The following NEK1 variants were observed in gnomAD, a reference collection of about 807,000 sequenced individuals.
The protein encoded by NEK1 is serine/threonine-protein kinase Nek1.
Under a neutral mutation model 182.1 loss-of-function variants are expected in NEK1, and 137 were observed. The ratio of observed to expected loss-of-function variants is 0.75; its 90% CI spans 0.65 to 0.87. NEK1 has a LOEUF of 0.87. NEK1 is among the 40% of genes least tolerant of loss of function. NEK1 has a pLI of 0.00. For synonymous variants in NEK1, 513 were observed against 492.2 expected, an observed-to-expected ratio of 1.04 and a Z score of -0.56; for missense variants, 1,391 against 1,494.4, an observed-to-expected ratio of 0.93 and a Z score of 1.14.
At chr4:169,593,236 G>A (rs1407495167) in intron 5 of NEK1, among the ~76,000 whole-genome samples, 1 of 151,966 alleles carries the variant, frequency 6.6e-6, no homozygotes, top group Admixed American at 6.5e-5. Flanking sequence ...TTTAGGTTTT[G>A]CAGGCCAGAT....
intron 31 of NEK1, among the ~76,000 whole-genome samples, chr4:169,409,155 C>CTTTTTTTTTTT (rs1365338777): frequency 6.6e-6 from 1 of 151,422 alleles, no homozygotes; most frequent in African/African-American, 2.4e-5. Context: ...TATTGTTTTT[C>CTTTTTTTTTTT]TTTTTTTTGA....
At chr4:169,503,257 G>A (rs1752696676) in intron 23 of NEK1, among the ~76,000 whole-genome samples, 1 of 152,022 alleles carries the variant, frequency 6.6e-6, no homozygotes, top group African/African-American at 2.4e-5. Flanking sequence ...TGCATTTAAT[G>A]CCCATGGAAG....
chr4:169,597,841 G>A (rs369443339), intron 5 of NEK1, among the ~76,000 whole-genome samples: 2 of 152,238 alleles, frequency 1.3e-5, no homozygotes, highest in South Asian at 2.1e-4. Flanking sequence ...GGCTGAGGCA[G>A]GAGAATGGCG....
In NEK1 at chr4:169,508,840, T is replaced by C. The variant is rs767406018; in HGVS notation, c.1678A>G (p.Asn560Asp). 6.9e-6 allele frequency: 11 copies of C among 1,590,576 alleles called. No individual in the cohort carries two copies. In the South Asian group the frequency reaches 1.2e-4, roughly 18 times the overall value. ...RAEGHMGILQNLAAMYGGRPS... is the reference protein window; with the variant it reads ...RAEGHMGILQDLAAMYGGRPS... ...CTGCCTCCATACATAGCTGCCAGGT[T>C]TTGCAGGATTCCCTGTTTATCATTT... The change falls in exon 20 of 36, where the codon AAC becomes GAC. Residue 560 changes from asparagine (N) to aspartate (D), a missense_variant. Physicochemically the swap from Asn to Asp is conservative, Grantham distance 23. Coordinates refer to ENST00000507142, the MANE Select transcript of NEK1 (RefSeq NM_001199397.3).
chr4:169,469,946 CT>C (rs61539003), intron 26 of NEK1, among the ~76,000 whole-genome samples: 58,211 of 118,752 alleles, frequency 0.49, 11,068 homozygotes, highest in East Asian at 0.77. Context: ...GCAACCCCTG[CT>C]TTTTTTTTTT....
intron 19 of NEK1, among the ~76,000 whole-genome samples, chr4:169,509,931 C>T (rs1322382506): frequency 2.0e-5 from 3 of 152,014 alleles, no homozygotes; most frequent in Admixed American, 6.6e-5. Flanking sequence ...ATATTATATC[C>T]TGAATCTCTT....
chr4:169,400,430 T>C (rs1731460509), intron 34 of NEK1, 73 bp from the exon 35 acceptor site: 5 of 1,443,480 alleles, frequency 3.5e-6, no homozygotes, highest in Non-Finnish European at 4.6e-6. Context: ...TTTTTATTTA[T>C]AATAAATCTA....
intron 27 of NEK1, among the ~76,000 whole-genome samples, chr4:169,459,999 G>A (rs770199594): frequency 2.6e-5 from 4 of 152,150 alleles, no homozygotes; most frequent in Non-Finnish European, 4.4e-5. Context: ...AGCACCAAGA[G>A]TAAATTTTAA....
At chr4:169,434,206 T>G (rs1737965795) in intron 28 of NEK1, among the ~76,000 whole-genome samples, 1 of 127,508 alleles carries the variant, frequency 7.8e-6, no homozygotes, top group African/African-American at 4.3e-5. Flanking sequence ...CAAATAGTTT[T>G]TTTTTTTTTT....
intron 24 of NEK1, among the ~76,000 whole-genome samples, chr4:169,478,633 G>A (rs1433290850): frequency 6.6e-6 from 1 of 152,040 alleles, no homozygotes; most frequent in Non-Finnish European, 1.5e-5. Context: ...AACAGCTAGT[G>A]TACCAATTTT....
chr4:169,507,198 TTTGG>T, intron 22 of NEK1, 66 bp from the exon 23 acceptor site: 131 of 909,968 alleles, frequency 1.4e-4, no homozygotes, highest in Admixed American at 1.9e-4. Context: ...TTTTTTTTTT[TTTGG>T]GCCAGGTCTA....
chr4:169,522,187 TTG>T (rs1185878873), intron 19 of NEK1, among the ~76,000 whole-genome samples: 7 of 152,232 alleles, frequency 4.6e-5, no homozygotes, highest in South Asian at 2.1e-4. Flanking sequence ...ATTTTGATTA[TTG>T]TGTTTTTCAG....
At position 169,605,669 on chromosome 4, in the gene NEK1, A is replaced by C. The variant is rs551466223; in HGVS notation, c.-48-2991T>G. 8.5e-5 allele frequency among the ~76,000 whole-genome samples: 13 copies of C among 152,282 alleles called. No individual in the cohort carries two copies. The East Asian group carries it at 2.5e-3, about 29-fold the overall frequency. On this transcript the variant is annotated intron_variant, in intron 2 of 35. Transcript: ENST00000507142. ...AACTTATAACTGAAGGAACATACGAATCCTGTTTACTTCAGTATTGTAATA... is the reference window on the plus strand; with the variant it reads ...AACTTATAACTGAAGGAACATACGACTCCTGTTTACTTCAGTATTGTAATA...
chr4:169,555,467 CAT>C (rs1166918689), intron 18 of NEK1: 2 of 427,810 alleles, frequency 4.7e-6, no homozygotes, highest in African/African-American at 4.0e-5. Flanking sequence ...AATGTTATCA[CAT>C]GTTCCTTTAA....
At chr4:169,539,754 G>A (rs1759100089) in intron 18 of NEK1, among the ~76,000 whole-genome samples, 1 of 152,084 alleles carries the variant, frequency 6.6e-6, no homozygotes, top group Non-Finnish European at 1.5e-5. Context: ...CACTTTTGGG[G>A]GGTCCTGGAA....
intron 6 of NEK1, 112 bp from the exon 7 acceptor site, chr4:169,589,626 T>C (rs552734252): frequency 1.4e-5 from 9 of 657,334 alleles, no homozygotes; most frequent in South Asian, 4.1e-5. Context: ...CTAGAGTAAC[T>C]GGATATTCAC....
intron 27 of NEK1, among the ~76,000 whole-genome samples, chr4:169,454,098 A>T (rs1742375897): frequency 6.6e-6 from 1 of 152,236 alleles, no homozygotes; most frequent in South Asian, 2.1e-4. Flanking sequence ...CCTATTTAAT[A>T]AATGGTGCTG....
At chr4:169,611,234 C>T (rs1938586284) in intron 2 of NEK1, among the ~76,000 whole-genome samples, 1 of 152,202 alleles carries the variant, frequency 6.6e-6, no homozygotes, top group African/African-American at 2.4e-5. Context: ...AGTCCGACGA[C>T]CTTTATTAAA....
intron 8 of NEK1, 140 bp downstream of exon 8, chr4:169,588,509 A>G (rs972171503): frequency 1.0e-5 from 5 of 476,610 alleles, no homozygotes; most frequent in Admixed American, 3.8e-5. Flanking sequence ...CCCTCACCAT[A>G]TATTAGCAAC....
Sources: allele counts gnomAD v4.1 joint callset (sites outside exome capture counted in the v4.1 genomes callset), GRCh38; gene constraint gnomAD v4.1.1; transcripts MANE v1.5; gene names NCBI Gene and HGNC (gene_info 2026-07-23, HGNC 2026-07-21).